The following ZNF70 variants were observed in gnomAD, a reference collection of about 807,000 sequenced individuals.
The protein encoded by ZNF70 is zinc finger protein 70, also known as zinc finger protein N27C7-1.
A neutral mutation model predicts 37.7 loss-of-function variants in ZNF70; 18 were observed. The ratio of observed to expected loss-of-function variants is 0.48; its 90% confidence interval spans 0.33 to 0.71. The LOEUF is 0.71. Among genes scored for constraint, ZNF70 ranks in the 30% least tolerant of loss-of-function variants. The pLI, the probability that ZNF70 is intolerant of heterozygous loss-of-function variation, is 0.02. For missense variants in ZNF70, 506 were observed against 568.6 expected (o/e 0.89, Z 1.12); for synonymous variants, 219 against 220.1 (o/e 0.99, Z 0.05).
chr22:23,744,898 T>TG lies in ZNF70; in HGVS notation c.242dup (p.Gly82ArgfsTer7), dbSNP rs775749922. ...GCTCATCATCCTGGGGTCTGGTTCCTGGGGGGATACTTTGATGCTGAACAG... is the reference window on the plus strand; with the variant it reads ...GCTCATCATCCTGGGGTCTGGTTCCTGGGGGGGATACTTTGATGCTGAACAG... On this transcript the variant is annotated frameshift_variant, in exon 2 of 2. Transcript: ENST00000341976. LOFTEE classifies it high-confidence loss of function. The TG allele has an allele frequency of 5.6e-6, 9 of 1,614,218 alleles. No homozygotes were observed. Among genetic ancestry groups the TG allele is most frequent in the Non-Finnish European group, 8.5e-7 (1 of 1,180,038 alleles).
Position 23,743,595 on chromosome 22 carries a change from C to T in ZNF70, c.*205G>A, listed in dbSNP as rs1924955816. 3.2e-6 allele frequency: 2 copies of T among 625,016 alleles called. No individual in the cohort carries two copies. The highest frequency in any genetic ancestry group is 3.6e-5 in the African/African-American group (2 of 54,852). 38.7% of individuals were successfully genotyped at this position (625,016 alleles called of 1,614,324 possible). On this transcript the variant is annotated 3_prime_UTR_variant, in exon 2 of 2. Transcript: ENST00000341976. ...CTGCCCTCCCTATCACCCCACCTTCCCTTCCATGCAGAAAACCTGCTGAGA... is the reference window on the plus strand; with the variant it reads ...CTGCCCTCCCTATCACCCCACCTTCTCTTCCATGCAGAAAACCTGCTGAGA...
rs375221679 is a variant in ZNF70 at position 23,749,472 on chromosome 22, G to A, written c.-80+1239C>T. Among the ~76,000 whole-genome samples the A allele has an allele frequency of 4.6e-3, 625 of 136,820 alleles. 13 individuals carry two copies. In the South Asian group the frequency reaches 0.056, roughly 12 times the overall value. 89.8% of individuals were successfully genotyped at this position (136,820 alleles called of 152,430 possible). A position where few individuals can be genotyped will look rare whatever the true frequency, so the allele number is the denominator to read the frequency against. ...GAACCCAGGAGGCGGAGCTTGCAGTGAGCCGAGATCGCGCCACTGCACTCC... is the reference window on the plus strand; with the variant it reads ...GAACCCAGGAGGCGGAGCTTGCAGTAAGCCGAGATCGCGCCACTGCACTCC... On this transcript the variant is annotated intron_variant, in intron 1 of 1. Coordinates refer to ENST00000341976, the MANE Select transcript of ZNF70 (RefSeq NM_021916.4).
intron 1 of ZNF70, among the ~76,000 whole-genome samples, chr22:23,748,183 A>G (rs1052812441): frequency 3.1e-5 from 3 of 97,338 alleles, no homozygotes; most frequent in Admixed American, 9.7e-5. Flanking sequence ...ACTGCCTCAG[A>G]AAAAAAAAAA....
In ZNF70 at chr22:23,744,440, CTG is replaced by C. The variant is rs1357547210; in HGVS notation, c.699_700del (p.Phe233LeufsTer22). The C allele has an allele frequency of 2.5e-6, 4 of 1,614,138 alleles. No homozygotes were observed. The highest frequency in any genetic ancestry group is 3.4e-6 in the Non-Finnish European group (4 of 1,180,030). On this transcript the variant is annotated frameshift_variant, in exon 2 of 2. Coordinates refer to ENST00000341976, the MANE Select transcript of ZNF70 (RefSeq NM_021916.4). LOFTEE classifies it high-confidence loss of function. ...GTGTTTTCTGAGGCTGGAGCTCCGG[CTG>C]AAATCTTTCCCGCATTCCCTGCACT...
intron 1 of ZNF70, among the ~76,000 whole-genome samples, 159 bp downstream of exon 1, chr22:23,750,552 C>T (rs917200448): frequency 1.3e-5 from 2 of 152,122 alleles, no homozygotes; most frequent in Non-Finnish European, 2.9e-5. Context: ...CTGGTGTTCT[C>T]AAACTTCCCT....
At position 23,740,887 on chromosome 22, in the gene ZNF70, G is replaced by C. The variant is rs1232862637; in HGVS notation, c.*2913C>G. On this transcript the variant is annotated 3_prime_UTR_variant, in exon 2 of 2. Coordinates refer to ENST00000341976, the MANE Select transcript of ZNF70 (RefSeq NM_021916.4). ...TTTATCTGTTAACCCTTGGGAGAGA[G>C]GGGGGATCTTCATCTCCACGTTACA... is the stretch of plus-strand genomic sequence containing the variant. 6.6e-6 allele frequency: 1 copy of C among 152,048 alleles called. No individual in the cohort carries two copies. The highest frequency in any genetic ancestry group is 2.1e-4 in the South Asian group (1 of 4,820). The allele number at this position is 152,048 out of a possible 1,614,324, so 9.4% of individuals were successfully genotyped here.
chr22:23,749,527 CAAAAAAAAAA>C (rs61374101), intron 1 of ZNF70, among the ~76,000 whole-genome samples: 5 of 24,108 alleles, frequency 2.1e-4, no homozygotes, highest in East Asian at 1.1e-3. Flanking sequence ...GACTCCGTCT[CAAAAAAAAAA>C]AAAAAAAAAA....
rs1207838611 is a variant in ZNF70, at chr22:23,747,002, CA to C, written c.-79-1784del. 2.2e-4 allele frequency among the ~76,000 whole-genome samples: 33 copies of C among 152,304 alleles called. No homozygotes were observed. In the South Asian group the frequency reaches 2.3e-3, roughly 11 times the overall value. On this transcript the variant is annotated intron_variant, in intron 1 of 1. Transcript: ENST00000341976. Reference sequence around the variant, plus strand: ...CGTTAGCTTGAAAATTCCCTAAGGGCAAATACTGTGCTCCTTCATTTCAGAA... The same window carrying C: ...CGTTAGCTTGAAAATTCCCTAAGGGCAATACTGTGCTCCTTCATTTCAGAA...
At chr22:23,747,944 A>C (rs1262468250) in intron 1 of ZNF70, among the ~76,000 whole-genome samples, 1 of 151,868 alleles carries the variant, frequency 6.6e-6, no homozygotes, top group African/African-American at 2.4e-5. Flanking sequence ...CCCACTCAGC[A>C]CTCCCCCTCC....
Position 23,747,504 on chromosome 22 carries a change from G to T in ZNF70, c.-79-2285C>A, listed in dbSNP as rs554750153. Among the ~76,000 whole-genome samples the T allele has an allele frequency of 2.6e-5, 4 of 152,272 alleles. No individual in the cohort carries two copies. In the East Asian group the frequency reaches 7.7e-4, roughly 29 times the overall value. ...AAAACTGGTCCCTGATGCCAAAAAG[G>T]TTGGGGATCACTGGTCTAGGAGACA... On this transcript the variant is annotated intron_variant, in intron 1 of 1. Transcript: ENST00000341976.
chr22:23,744,249 G>A lies in ZNF70; in HGVS notation c.892C>T (p.His298Tyr). The A allele has an allele frequency of 1.9e-6, 3 of 1,613,344 alleles. No individual in the cohort carries two copies. The highest frequency in any genetic ancestry group is 2.5e-6 in the Non-Finnish European group (3 of 1,179,784). ...AFCHRSHLIRHQRIHTGKKPY... is the reference protein window; with the variant it reads ...AFCHRSHLIRYQRIHTGKKPY... ...TTCTTCCCAGTGTGGATCCGCTGGT[G>A]TCGGATGAGGTGTGACCTGTGACAA... Residue 298 changes from histidine to tyrosine, a missense_variant, in exon 2 of 2, where the codon CAC becomes TAC. Transcript: ENST00000341976.
rs570143362 is a variant in ZNF70, at chr22:23,743,486, T to C, written c.*314A>G. ...ATTTATTCTTCTAGATTCTGGGAAA[T>C]GTGAAGACAGGGCAAAATGAAATCC... On this transcript the variant is annotated 3_prime_UTR_variant, in exon 2 of 2. Coordinates refer to ENST00000341976, the MANE Select transcript of ZNF70 (RefSeq NM_021916.4). The C allele has an allele frequency of 6.4e-6, 2 of 314,440 alleles. No homozygotes were observed. Among genetic ancestry groups the C allele is most frequent in the Non-Finnish European group, 1.2e-5 (2 of 171,630 alleles). 19.5% of individuals were successfully genotyped at this position (314,440 alleles called of 1,614,324 possible).
At chr22:23,750,167 G>A (rs1183356070) in intron 1 of ZNF70, among the ~76,000 whole-genome samples, 2 of 151,882 alleles carry the variant, frequency 1.3e-5, no homozygotes, top group East Asian at 1.9e-4. Flanking sequence ...CTCTCTTCTC[G>A]GTCTTCACCT....
chr22:23,739,461 T>C lies in ZNF70; in HGVS notation c.*4339A>G, dbSNP rs926289211. The C allele has an allele frequency of 3.3e-5, 5 of 151,768 alleles. No homozygotes were observed. Among genetic ancestry groups the C allele is most frequent in the African/African-American group, 9.7e-5 (4 of 41,328 alleles). The allele number at this position is 151,768 out of a possible 1,614,324, so 9.4% of individuals were successfully genotyped here. On this transcript the variant is annotated 3_prime_UTR_variant, in exon 2 of 2. Transcript: ENST00000341976. ...GCCACCACGCACGGCTAATTTTTTG[T>C]ATTTTTAATAGAGACAGGGTTTCAT...
At position 23,739,782 on chromosome 22, in the gene ZNF70, A is replaced by T. The variant is rs1356116815; in HGVS notation, c.*4018T>A. The T allele has an allele frequency of 6.6e-6, 1 of 151,806 alleles. No homozygotes were observed. The highest frequency in any genetic ancestry group is 2.0e-4 in the East Asian group (1 of 5,054). 9.4% of individuals were successfully genotyped at this position (151,806 alleles called of 1,614,324 possible). A position where few individuals can be genotyped will look rare whatever the true frequency, so the allele number is the denominator to read the frequency against. On this transcript the variant is annotated 3_prime_UTR_variant, in exon 2 of 2. Transcript: ENST00000341976. The stretch of plus-strand genomic sequence containing the variant: ...CCCAGTTAATTTTTGTATTTTTAGT[A>T]GAGACGGGTTTTCACCATGTTGGCC...
Position 23,743,778 on chromosome 22 carries a change from A to C in ZNF70, c.*22T>G. ...AGGCTCCATCTGGCACAGGCTTTCA[A>C]GCTTTGTGTGGGCTCCTCTTTCTAT... On this transcript the variant is annotated 3_prime_UTR_variant, in exon 2 of 2. Transcript: ENST00000341976. The C allele has an allele frequency of 6.3e-7, 1 of 1,599,540 alleles. No homozygotes were observed.
rs1924816763 is a variant in ZNF70, at chr22:23,739,640, C to T, written c.*4160G>A. The T allele has an allele frequency of 6.6e-6, 1 of 150,964 alleles. No homozygotes were observed. The highest frequency in any genetic ancestry group is 2.4e-5 in the African/African-American group (1 of 40,958). The allele number at this position is 150,964 out of a possible 1,614,324, so 9.4% of individuals were successfully genotyped here. A position where few individuals can be genotyped will look rare whatever the true frequency, so the allele number is the denominator to read the frequency against. ...CCGAGATGGAGTCTTGCCCTGTCAC[C>T]CAGGCTGAAGGGTAGTGGCACAATC... On this transcript the variant is annotated 3_prime_UTR_variant, in exon 2 of 2. Transcript: ENST00000341976.
rs79234178 is a variant in ZNF70, at chr22:23,745,743, C to T, written c.-79-524G>A. 9.9e-3 allele frequency among the ~76,000 whole-genome samples: 1,502 copies of T among 152,136 alleles called. 21 individuals are homozygous for T. The highest frequency in any genetic ancestry group is 0.034 in the African/African-American group (1,418 of 41,504). On this transcript the variant is annotated intron_variant, in intron 1 of 1. Coordinates refer to ENST00000341976, the MANE Select transcript of ZNF70 (RefSeq NM_021916.4). ...CGGAGATCAGCCCACTGCACTCCAA[C>T]GTGGGCAACAAAGCGAGACTCTATC...
chr22:23,746,579 C>T (rs1925130588), intron 1 of ZNF70, among the ~76,000 whole-genome samples: 1 of 151,844 alleles, frequency 6.6e-6, no homozygotes, highest in Admixed American at 6.6e-5. Flanking sequence ...CATCTCCTGT[C>T]TGTCTGCCCC....
Sources: allele counts gnomAD v4.1 joint callset (sites outside exome capture counted in the v4.1 genomes callset), GRCh38; gene constraint gnomAD v4.1.1; transcripts MANE v1.5; gene names NCBI Gene and HGNC (gene_info 2026-07-23, HGNC 2026-07-21).